FARS2: variants seen among roughly 807,000 people sequenced by gnomAD.
FARS2 encodes the protein phenylalanine--tRNA ligase, mitochondrial.
A neutral mutation model predicts 46.4 loss-of-function variants in FARS2; 40 were observed. The ratio of observed to expected loss-of-function variants is 0.86; its 90% CI spans 0.67 to 1.12. The LOEUF is 1.12. Ranked by LOEUF, FARS2 falls within the 50% of genes most tolerant of loss-of-function variation. FARS2 has a pLI of 0.00. For missense variants in FARS2, 513 were observed against 567.9 expected, an observed-to-expected ratio of 0.90 and a Z score of 0.98; for synonymous variants, 234 against 214.9, an observed-to-expected ratio of 1.09 and a Z score of -0.78.
rs544428280 is a variant in FARS2, at chr6:5,464,945, G to A, written c.904+33773G>A. Among the ~76,000 whole-genome samples the A allele has an allele frequency of 1.6e-4, 24 of 152,282 alleles. No homozygotes were observed. In the South Asian group the frequency reaches 3.3e-3, roughly 21 times the overall value. The stretch of plus-strand genomic sequence containing the variant: ...CTTGAAGAGAACAACTAGAGGAGTC[G>A]TGCGGGCTGCAGCATGGGGGCCTTA... On this transcript the variant is annotated intron_variant, in intron 4 of 6. Transcript: ENST00000274680.
intron 6 of FARS2, among the ~76,000 whole-genome samples, chr6:5,698,108 T>A (rs891158421): frequency 6.6e-6 from 1 of 152,164 alleles, no homozygotes; most frequent in Non-Finnish European, 1.5e-5. Flanking sequence ...TTAGGAAATA[T>A]CTTACTCACA....
intron 1 of FARS2, among the ~76,000 whole-genome samples, chr6:5,358,558 T>C (rs1758086506): frequency 6.6e-6 from 1 of 152,194 alleles, no homozygotes; most frequent in Non-Finnish European, 1.5e-5. Context: ...AGGATTTTTT[T>C]CCCTGATATG....
At chr6:5,309,671 A>G (rs6934524) in intron 1 of FARS2, among the ~76,000 whole-genome samples, 26,126 of 152,238 alleles carry the variant, frequency 0.17, 2,853 homozygotes, top group East Asian at 0.48. Context: ...GTATGATGAA[A>G]ACTTTAAAAC....
At chr6:5,729,374 C>T (rs935394400) in intron 6 of FARS2, among the ~76,000 whole-genome samples, 1 of 152,136 alleles carries the variant, frequency 6.6e-6, no homozygotes, top group Admixed American at 6.5e-5. Context: ...AGGCGAGGCT[C>T]AGAGCCTGCC....
intron 5 of FARS2, among the ~76,000 whole-genome samples, chr6:5,570,095 C>G (rs1180116392): frequency 6.6e-6 from 1 of 152,188 alleles, no homozygotes; most frequent in Non-Finnish European, 1.5e-5. Flanking sequence ...TCTTTTTAAT[C>G]ATAGCTGTAT....
chr6:5,405,431 ATATTATTATGT>A (rs1761511022), intron 3 of FARS2, among the ~76,000 whole-genome samples: 1 of 145,466 alleles, frequency 6.9e-6, no homozygotes, highest in African/African-American at 2.6e-5. Flanking sequence ...GATTTGGAGT[ATATTATTATGT>A]TATCATTACA....
chr6:5,664,666 C>T (rs996379022), intron 6 of FARS2, among the ~76,000 whole-genome samples: 4 of 152,204 alleles, frequency 2.6e-5, no homozygotes, highest in African/African-American at 9.6e-5. Context: ...GTAGACTGGT[C>T]TGTCTCTCTT....
intron 4 of FARS2, among the ~76,000 whole-genome samples, chr6:5,495,411 A>G (rs1318673194): frequency 1.3e-5 from 2 of 152,196 alleles, no homozygotes; most frequent in East Asian, 1.9e-4. Flanking sequence ...GAAATTGTAC[A>G]TGGGGCTTTG....
At chr6:5,496,296 A>T (rs145562552) in intron 4 of FARS2, among the ~76,000 whole-genome samples, 1 of 152,296 alleles carries the variant, frequency 6.6e-6, no homozygotes, top group East Asian at 1.9e-4. Context: ...TAGTGTTGAT[A>T]CTATAGGAAT....
intron 4 of FARS2, among the ~76,000 whole-genome samples, chr6:5,459,706 T>C (rs541885865): frequency 3.3e-5 from 5 of 152,328 alleles, no homozygotes; most frequent in African/African-American, 1.2e-4. Flanking sequence ...CCTTTCTAGC[T>C]TAAGGAGTCA....
At chr6:5,271,808 ACCTCGGCCTC>A (rs1404034100) in intron 1 of FARS2, among the ~76,000 whole-genome samples, 1 of 151,958 alleles carries the variant, frequency 6.6e-6, no homozygotes, top group Non-Finnish European at 1.5e-5. Flanking sequence ...TAATGTGCCC[ACCTCGGCCTC>A]CCAAGTCTGT....
intron 4 of FARS2, chr6:5,466,718 G>C: frequency 1.0e-6 from 1 of 982,750 alleles, no homozygotes. Context: ...TTTCCTTCCA[G>C]AGAGTCGAAT....
chr6:5,742,831 T>C, intron 6 of FARS2, among the ~76,000 whole-genome samples: 1 of 152,094 alleles, frequency 6.6e-6, no homozygotes, highest in East Asian at 1.9e-4. Flanking sequence ...CGACATAGTA[T>C]TGAAGGAATT....
intron 5 of FARS2, among the ~76,000 whole-genome samples, chr6:5,611,344 G>A (rs2092141): frequency 0.84 from 127,255 of 152,144 alleles, 53,724 homozygotes; most frequent in African/African-American, 0.96. Flanking sequence ...CCTACAGAAC[G>A]TCGGAAAGAG....
At chr6:5,766,836 C>G (rs1489204880) in intron 6 of FARS2, among the ~76,000 whole-genome samples, 1 of 151,994 alleles carries the variant, frequency 6.6e-6, no homozygotes. Context: ...CCCCTGGTAA[C>G]CATCAGTCTG....
chr6:5,673,076 C>G (rs1410165450), intron 6 of FARS2, among the ~76,000 whole-genome samples: 1 of 152,166 alleles, frequency 6.6e-6, no homozygotes, highest in African/African-American at 2.4e-5. Context: ...CAAGAGCCCC[C>G]CAACACCTTT....
At chr6:5,445,206 A>G (rs1204475614) in intron 4 of FARS2, among the ~76,000 whole-genome samples, 6 of 152,042 alleles carry the variant, frequency 3.9e-5, no homozygotes, top group Admixed American at 3.9e-4. Flanking sequence ...AAAAGAGAGA[A>G]AAAGAGGATG....
At chr6:5,702,496 GT>G (rs1457375063) in intron 6 of FARS2, among the ~76,000 whole-genome samples, 1 of 152,174 alleles carries the variant, frequency 6.6e-6, no homozygotes, top group African/African-American at 2.4e-5. Flanking sequence ...TAATTAAAAT[GT>G]TTTTCTAATG....
chr6:5,693,038 A>G (rs1480578135), intron 6 of FARS2, among the ~76,000 whole-genome samples: 1 of 152,192 alleles, frequency 6.6e-6, no homozygotes, highest in Non-Finnish European at 1.5e-5. Flanking sequence ...TTTGTATTAG[A>G]GAATTTGTAT....
Sources: gnomAD v4.1 joint callset for allele counts (sites outside exome capture counted in the v4.1 genomes callset) on GRCh38, gnomAD v4.1.1 for gene constraint, MANE v1.5 for transcripts, NCBI Gene and HGNC (gene_info 2026-07-23, HGNC 2026-07-21) for gene names.